Variants in MAPKAPK2 observed in about 807,000 individuals in gnomAD.
MAPKAPK2 encodes MAPK activated protein kinase 2.
In MAPKAPK2, 9 loss-of-function variants were observed where a neutral mutation model predicts 48.8. The ratio of observed to expected loss-of-function variants is 0.18; its 90% CI spans 0.11 to 0.32. The LOEUF is 0.32. Among genes scored for constraint, MAPKAPK2 ranks in the 10% least tolerant of loss-of-function variants. The pLI, the probability that MAPKAPK2 is intolerant of heterozygous loss-of-function variation, is 1.00. For synonymous variants in MAPKAPK2, 202 were observed against 190.6 expected (o/e 1.06, Z -0.49); for missense variants, 331 against 498.3 (o/e 0.66, Z 3.20).
intron 1 of MAPKAPK2, among the ~76,000 whole-genome samples, chr1:206,707,939 A>G (rs782701109): frequency 2.6e-5 from 4 of 151,978 alleles, no homozygotes; most frequent in African/African-American, 7.3e-5. Context: ...ATTCCTGTCT[A>G]AAAAAAATGG....
chr1:206,704,234 ATGT>A lies in MAPKAPK2; in HGVS notation c.279+18729_279+18731del, dbSNP rs782385340. ...ATGAACGCACTAGACTTTCTGGGAA[ATGT>A]TGAAGATTTACGCCTGTCTGAGTGT... On this transcript the variant is annotated intron_variant, in intron 1 of 9. Transcript: ENST00000367103. This position sits in a 1 kb window ranked among gnomAD's most constrained non-coding sequence, Gnocchi z 4.3. Among the ~76,000 whole-genome samples, 34 of 152,228 alleles carry A rather than the reference ATGT, an allele frequency of 2.2e-4. No individual in the cohort carries two copies. Among genetic ancestry groups the A allele is most frequent in the Admixed American group, 6.5e-4 (10 of 15,282 alleles).
intron 1 of MAPKAPK2, among the ~76,000 whole-genome samples, chr1:206,720,823 G>A (rs1553431104): frequency 6.6e-6 from 1 of 152,134 alleles, no homozygotes; most frequent in Non-Finnish European, 1.5e-5. Flanking sequence ...AGAAAAAATA[G>A]GATAGTATTC....
intron 1 of MAPKAPK2, among the ~76,000 whole-genome samples, chr1:206,710,188 A>G (rs56752768): frequency 0.039 from 5,923 of 152,280 alleles, 255 homozygotes; most frequent in African/African-American, 0.1. Context: ...AGTTGCCAGG[A>G]TATATGTATT....
chr1:206,696,088 T>C, intron 1 of MAPKAPK2: 1 of 1,224,470 alleles, frequency 8.2e-7, no homozygotes. Flanking sequence ...TGCCTTCACC[T>C]TCATCCTACC....
Position 206,732,955 on chromosome 1 carries a change from A to G in MAPKAPK2, c.*237A>G, listed in dbSNP as rs1487649237. 2.1e-5 allele frequency: 10 copies of G among 480,600 alleles called. No individual in the cohort carries two copies. Among genetic ancestry groups the G allele is most frequent in the Admixed American group, 1.1e-4 (3 of 27,838 alleles). 29.8% of individuals were successfully genotyped at this position (480,600 alleles called of 1,614,324 possible). A position where few individuals can be genotyped will look rare whatever the true frequency, so the allele number is the denominator to read the frequency against. On this transcript the variant is annotated 3_prime_UTR_variant, in exon 10 of 10. Transcript: ENST00000367103. This position sits in a 1 kb window ranked among gnomAD's most constrained non-coding sequence, Gnocchi z 4.4. ...GCAAGGTGCTCTTGAACCTGTGCTC[A>G]TTTTGCAATTTTATCAGTAATTTGA...
intron 1 of MAPKAPK2, among the ~76,000 whole-genome samples, chr1:206,723,467 CA>C (rs1414931493): frequency 4.6e-5 from 7 of 152,268 alleles, no homozygotes; most frequent in African/African-American, 1.7e-4. Flanking sequence ...GGAACCAAGG[CA>C]CAAAGGGGTT....
At position 206,732,732 on chromosome 1, in the gene MAPKAPK2, C is replaced by G; in HGVS notation, c.*14C>G. 3.7e-6 allele frequency: 6 copies of G among 1,613,984 alleles called. No homozygotes were observed. Among genetic ancestry groups the G allele is most frequent in the Non-Finnish European group, 5.1e-6 (6 of 1,179,928 alleles). ...CTGGCCCACTGAGCCACCGCGCCCT[C>G]CTGCCCACGGGAGGACAAGCAATAA... On this transcript the variant is annotated 3_prime_UTR_variant, in exon 10 of 10. Transcript: ENST00000367103. This position sits in a 1 kb window ranked among gnomAD's most constrained non-coding sequence, Gnocchi z 4.4.
At chr1:206,703,018 C>G (rs899654328) in intron 1 of MAPKAPK2, among the ~76,000 whole-genome samples, 8 of 152,234 alleles carry the variant, frequency 5.3e-5, no homozygotes, top group Admixed American at 3.3e-4. Flanking sequence ...CTGCCAGGCC[C>G]TCCCTGCTAG....
chr1:206,727,723 G>A (rs1285164127), intron 1 of MAPKAPK2, among the ~76,000 whole-genome samples: 9 of 152,184 alleles, frequency 5.9e-5, no homozygotes, highest in Middle Eastern at 3.4e-3. Context: ...CAGGGTTCAC[G>A]CCATTCTCCT....
intron 1 of MAPKAPK2, among the ~76,000 whole-genome samples, chr1:206,726,536 A>T (rs1673708046): frequency 1.3e-5 from 2 of 152,212 alleles, no homozygotes; most frequent in Admixed American, 1.3e-4. Context: ...CATGGGAGAG[A>T]CCGAGTTATC....
At chr1:206,715,949 C>A (rs1673313490) in intron 1 of MAPKAPK2, among the ~76,000 whole-genome samples, 1 of 151,780 alleles carries the variant, frequency 6.6e-6, no homozygotes, top group Non-Finnish European at 1.5e-5. Context: ...CTGCGCCTGA[C>A]CTGAATATTG....
intron 1 of MAPKAPK2, among the ~76,000 whole-genome samples, chr1:206,713,217 G>A (rs1673215176): frequency 6.6e-6 from 1 of 152,178 alleles, no homozygotes; most frequent in African/African-American, 2.4e-5. Flanking sequence ...AGTTTAGCAA[G>A]AGTCTGTGGG....
chr1:206,731,536 A>C lies in MAPKAPK2; in HGVS notation c.893-104A>C, dbSNP rs1280934012. 3 of 1,161,774 alleles carry C rather than the reference A, an allele frequency of 2.6e-6. No homozygotes were observed. Among genetic ancestry groups the C allele is most frequent in the African/African-American group, 3.0e-5 (2 of 66,094 alleles). 72.0% of individuals were successfully genotyped at this position (1,161,774 alleles called of 1,614,324 possible). A position where few individuals can be genotyped will look rare whatever the true frequency, so the allele number is the denominator to read the frequency against. On this transcript the variant is annotated intron_variant, in intron 7 of 9. Coordinates refer to ENST00000367103, the MANE Select transcript of MAPKAPK2 (RefSeq NM_032960.4). The surrounding 1 kb of genome is among the most constrained non-coding windows in gnomAD (Gnocchi z 5.9). The stretch of plus-strand genomic sequence containing the variant: ...CCAGTTGCTCCGGCAGCCTGCCTCC[A>C]TGCACCCCCTCTTTGAACCTGGTTT...
At chr1:206,694,165 T>C (rs934796510) in intron 1 of MAPKAPK2, among the ~76,000 whole-genome samples, 1 of 152,248 alleles carries the variant, frequency 6.6e-6, no homozygotes. Flanking sequence ...TTCTAATCCC[T>C]AGACAGGTGT....
At chr1:206,685,562 C>T (rs1374514541) in intron 1 of MAPKAPK2, 54 bp downstream of exon 1, 2 of 1,368,138 alleles carry the variant, frequency 1.5e-6, no homozygotes, top group East Asian at 7.2e-5. Context: ...CCCTGGAGCT[C>T]CACGGCGTCG....
At chr1:206,702,756 C>T (rs1310840763) in intron 1 of MAPKAPK2, among the ~76,000 whole-genome samples, 2 of 152,374 alleles carry the variant, frequency 1.3e-5, no homozygotes, top group South Asian at 2.1e-4. Flanking sequence ...GTCCTGCCTT[C>T]CACACTTTGC....
chr1:206,710,821 T>C (rs1400780238), intron 1 of MAPKAPK2, among the ~76,000 whole-genome samples: 1 of 152,256 alleles, frequency 6.6e-6, no homozygotes, highest in Admixed American at 6.5e-5. Flanking sequence ...CCATATTGGA[T>C]GTTAAACAAC....
chr1:206,723,499 A>G (rs1553431505), intron 1 of MAPKAPK2, among the ~76,000 whole-genome samples: 2 of 152,228 alleles, frequency 1.3e-5, no homozygotes. Flanking sequence ...CCCAGTTCAC[A>G]TAGCTAGTGA....
chr1:206,688,651 T>C (rs560507148), intron 1 of MAPKAPK2, among the ~76,000 whole-genome samples: 1 of 152,318 alleles, frequency 6.6e-6, no homozygotes, highest in South Asian at 2.1e-4. Context: ...ATTTTTATTT[T>C]TTTTGAGACA....
Sources: gnomAD v4.1 joint callset for allele counts (sites outside exome capture counted in the v4.1 genomes callset) on GRCh38, gnomAD v4.1.1 for gene constraint, Gnocchi (gnomAD v3.1) non-coding constraint, MANE v1.5 for transcripts, NCBI Gene and HGNC (gene_info 2026-07-23, HGNC 2026-07-21) for gene names.